CLVS1: variants seen among roughly 807,000 people sequenced by gnomAD.
CLVS1 encodes clavesin 1, also known as clavesin-1.
CLVS1 carries 10 observed loss-of-function variants against 33.1 expected under a neutral mutation model. The ratio of observed to expected loss-of-function variants is 0.30; its 90% CI spans 0.19 to 0.51. The LOEUF (loss-of-function observed/expected upper bound fraction) is 0.51. Ranked by LOEUF, CLVS1 falls within the 20% of genes least tolerant of loss-of-function variation. The pLI is 0.97. For synonymous variants in CLVS1, 163 were observed against 166.1 expected, an observed-to-expected ratio of 0.98 and a Z score of 0.14; for missense variants, 343 against 433.4, an observed-to-expected ratio of 0.79 and a Z score of 1.85.
intron 3 of CLVS1, among the ~76,000 whole-genome samples, chr8:61,402,068 C>T (rs777152930): frequency 2.6e-5 from 4 of 151,936 alleles, no homozygotes; most frequent in Admixed American, 2.0e-4. Context: ...GGAACCCACT[C>T]GGTAAATTGA....
At chr8:61,067,030 G>C (rs1258037367) in intron 1 of CLVS1, among the ~76,000 whole-genome samples, 1 of 152,126 alleles carries the variant, frequency 6.6e-6, no homozygotes, top group Non-Finnish European at 1.5e-5. Context: ...ATAAATGGGG[G>C]GGGAGGGCAA....
intron 3 of CLVS1, among the ~76,000 whole-genome samples, chr8:61,433,584 A>T (rs1275832460): frequency 6.6e-6 from 1 of 152,094 alleles, no homozygotes; most frequent in Admixed American, 6.5e-5. Flanking sequence ...CCTCTGATGG[A>T]GATGCTTACA....
At chr8:61,437,051 A>G (rs1585973091) in intron 3 of CLVS1, among the ~76,000 whole-genome samples, 1 of 152,206 alleles carries the variant, frequency 6.6e-6, no homozygotes, top group Non-Finnish European at 1.5e-5. Flanking sequence ...ATAGTTTATA[A>G]ATAAACAGTA....
chr8:61,363,593 A>T (rs1440134330), intron 2 of CLVS1, among the ~76,000 whole-genome samples: 1 of 152,234 alleles, frequency 6.6e-6, no homozygotes, highest in East Asian at 1.9e-4. Context: ...GTAGAGCAAA[A>T]TTAACTCTCC....
At chr8:61,259,960 TAGCCCTGCAGTAACTCCAG>T (rs1361858714) in intron 2 of CLVS1, among the ~76,000 whole-genome samples, 1 of 152,212 alleles carries the variant, frequency 6.6e-6, no homozygotes, top group African/African-American at 2.4e-5. Flanking sequence ...TCACGTGGCA[TAGCCCTGCAGTAACTCCAG>T]AGCCCGCTGA....
intron 2 of CLVS1, among the ~76,000 whole-genome samples, chr8:61,337,880 C>T (rs1811862789): frequency 6.6e-6 from 1 of 152,196 alleles, no homozygotes; most frequent in Non-Finnish European, 1.5e-5. Context: ...CTTTATAGAT[C>T]TCATTCTAAA....
chr8:61,023,205 T>G, the CLVS1 span, among the ~76,000 whole-genome samples: 1 of 152,250 alleles, frequency 6.6e-6, no homozygotes, highest in African/African-American at 2.4e-5. Context: ...GTGCTTATAT[T>G]AACAAATTCT....
At chr8:61,058,492 C>T (rs1360686254) in intron 1 of CLVS1, among the ~76,000 whole-genome samples, 1 of 152,184 alleles carries the variant, frequency 6.6e-6, no homozygotes, top group Non-Finnish European at 1.5e-5. Flanking sequence ...CCACCAAAAT[C>T]TGTTCTCCCC....
chr8:61,141,220 C>T (rs1019399781), intron 2 of CLVS1, among the ~76,000 whole-genome samples: 14 of 152,228 alleles, frequency 9.2e-5, no homozygotes, highest in African/African-American at 3.1e-4. Context: ...TCCTGCTTCT[C>T]CTCCTCCTTT....
intron 2 of CLVS1, among the ~76,000 whole-genome samples, chr8:61,369,734 T>G (rs1471244359): frequency 6.6e-6 from 1 of 152,202 alleles, no homozygotes; most frequent in Non-Finnish European, 1.5e-5. Flanking sequence ...TCAGTTTGTA[T>G]GGATGGTTGC....
chr8:61,492,563 T>C (rs1464404227), intron 5 of CLVS1, among the ~76,000 whole-genome samples: 1 of 152,134 alleles, frequency 6.6e-6, no homozygotes, highest in Non-Finnish European at 1.5e-5. Context: ...GGGCAGTCAA[T>C]GTCCAAGCCC....
At chr8:61,274,748 C>T (rs1023860690) in intron 2 of CLVS1, among the ~76,000 whole-genome samples, 28 of 152,274 alleles carry the variant, frequency 1.8e-4, no homozygotes, top group Middle Eastern at 3.4e-3. Flanking sequence ...TAAAACACAT[C>T]CTTTTTGTTT....
chr8:61,029,608 T>G, the CLVS1 span, among the ~76,000 whole-genome samples: 1 of 152,024 alleles, frequency 6.6e-6, no homozygotes, highest in African/African-American at 2.4e-5. Flanking sequence ...TTTTATTAAT[T>G]TTTTTATTAT....
At chr8:61,273,497 C>T (rs920869623) in intron 2 of CLVS1, among the ~76,000 whole-genome samples, 3 of 152,256 alleles carry the variant, frequency 2.0e-5, no homozygotes, top group Admixed American at 6.5e-5. Context: ...GGCAGGCCTC[C>T]TTGAGCTGTG....
At chr8:61,110,869 T>G (rs1172398060) in intron 1 of CLVS1, among the ~76,000 whole-genome samples, 1 of 152,240 alleles carries the variant, frequency 6.6e-6, no homozygotes, top group African/African-American at 2.4e-5. Flanking sequence ...AGTCAGAATT[T>G]CCTTCCTTTT....
the CLVS1 span, among the ~76,000 whole-genome samples, chr8:60,968,129 C>T: frequency 1.3e-5 from 2 of 152,196 alleles, no homozygotes. Context: ...GATGGTGTCT[C>T]ACTATGTTGC....
At chr8:61,128,931 C>T (rs1378637305) in intron 1 of CLVS1, among the ~76,000 whole-genome samples, 1 of 152,198 alleles carries the variant, frequency 6.6e-6, no homozygotes, top group East Asian at 1.9e-4. Context: ...CCACTGTTCC[C>T]CCTACTGCAT....
the CLVS1 span, among the ~76,000 whole-genome samples, chr8:60,989,296 T>A: frequency 6.6e-5 from 10 of 152,230 alleles, no homozygotes; most frequent in Non-Finnish European, 1.5e-4. Flanking sequence ...TTCTCCTGCC[T>A]CAGCCTCCCA....
intron 2 of CLVS1, chr8:61,370,288 GGTGCACCT>G (rs888793290): frequency 3.9e-4 from 59 of 152,134 alleles, no homozygotes; most frequent in African/African-American, 1.4e-3. Flanking sequence ...AGTAGATTTT[GGTGCACCT>G]GTCACCTGAA....
Sources: gnomAD v4.1 joint callset for allele counts (sites outside exome capture counted in the v4.1 genomes callset) on GRCh38, gnomAD v4.1.1 for gene constraint, MANE v1.5 for transcripts, NCBI Gene and HGNC (gene_info 2026-07-23, HGNC 2026-07-21) for gene names.